The following TBC1D9B variants were observed in gnomAD, a reference collection of about 807,000 sequenced individuals.
TBC1D9B encodes the protein TBC1 domain family, member 9B (with GRAM domain).
In TBC1D9B, 87 loss-of-function variants were observed where a neutral mutation model predicts 121.1. That is an observed-to-expected ratio of 0.72 (90% CI 0.60 to 0.86). TBC1D9B has a LOEUF of 0.86. Among genes scored for constraint, TBC1D9B ranks in the 40% least tolerant of loss-of-function variants. TBC1D9B has a pLI of 0.00. For synonymous variants in TBC1D9B, 668 were observed against 670.1 expected (o/e 1.00, Z 0.05); for missense variants, 1,540 against 1,628.6 (o/e 0.95, Z 0.94).
At chr5:179,869,099 G>A (rs1011779055) in intron 17 of TBC1D9B, 13 of 163,136 alleles carry the variant, frequency 8.0e-5, no homozygotes, top group Non-Finnish European at 8.0e-5. Flanking sequence ...AAACATCCCC[G>A]GGGTCGGTTC....
At chr5:179,888,952 G>C (rs1760775700) in intron 6 of TBC1D9B, among the ~76,000 whole-genome samples, 2 of 152,180 alleles carry the variant, frequency 1.3e-5, no homozygotes, top group Non-Finnish European at 2.9e-5. Context: ...CCCTGCAGAG[G>C]GGAGTAGGAC....
At chr5:179,880,374 G>C (rs562303529) in intron 7 of TBC1D9B, among the ~76,000 whole-genome samples, 7 of 152,236 alleles carry the variant, frequency 4.6e-5, no homozygotes, top group Non-Finnish European at 1.0e-4. Context: ...AAAGTCCAGT[G>C]GGGGAGAGCC....
chr5:179,872,294 G>A, intron 14 of TBC1D9B: 1 of 157,430 alleles, frequency 6.4e-6, no homozygotes, highest in Non-Finnish European at 1.4e-5. Context: ...TGTGGAAGGA[G>A]GCCGAGAACC....
chr5:179,904,642 C>G lies in TBC1D9B; in HGVS notation c.229+60G>C, dbSNP rs1054283900. ...ACGTGGGCTACACACCCCTTCCTCT[C>G]GGCAACGGCCCTTCCAGGGCAGGCC... is the stretch of plus-strand genomic sequence containing the variant. On this transcript the variant is annotated intron_variant, in intron 2 of 20. Transcript: ENST00000355235. The surrounding 1 kb of genome is among the most constrained non-coding windows in gnomAD (Gnocchi z 4.2). The G allele has an allele frequency of 1.4e-6, 2 of 1,455,020 alleles. No homozygotes were observed. Among genetic ancestry groups the G allele is most frequent in the East Asian group, 5.0e-5 (2 of 40,068 alleles). 90.1% of individuals were successfully genotyped at this position (1,455,020 alleles called of 1,614,324 possible).
chr5:179,880,561 C>T (rs1018556136), intron 7 of TBC1D9B, among the ~76,000 whole-genome samples: 1 of 152,198 alleles, frequency 6.6e-6, no homozygotes, highest in Non-Finnish European at 1.5e-5. Context: ...GGGTGCTGGG[C>T]GCCCTCCTAA....
chr5:179,889,623 C>A (rs1012655383), intron 6 of TBC1D9B, among the ~76,000 whole-genome samples: 1 of 151,976 alleles, frequency 6.6e-6, no homozygotes, highest in Admixed American at 6.6e-5. Context: ...GCCTGTAATC[C>A]CAGCACTTTG....
rs1402172065 is a variant in TBC1D9B at position 179,888,264 on chromosome 5, G to C, written c.1093C>G (p.Leu365Val). 6.2e-7 allele frequency: 1 copy of C among 1,611,484 alleles called. No individual in the cohort carries two copies. Among genetic ancestry groups the C allele is most frequent in the Non-Finnish European group, 8.5e-7 (1 of 1,179,288 alleles). Residue 365 changes from leucine to valine, a missense_variant, in exon 7 of 21, where the codon CTG (leucine) becomes GTG (valine). Coordinates refer to ENST00000355235, the MANE Select transcript of TBC1D9B (RefSeq NM_015043.4). ...ATTTTGCTTTTGGTGCTGATGGACAGGGGGCTGGGCAGCACGCTGGAGCTG... is the reference window on the plus strand; with the variant it reads ...ATTTTGCTTTTGGTGCTGATGGACACGGGGCTGGGCAGCACGCTGGAGCTG... The part of the protein sequence containing the change: ...ADSSSVLPSP[L>V]SISTKSKMTF...
rs1760853795 is a variant in TBC1D9B, at chr5:179,891,316, C to T, written c.1044+63G>A. 1.9e-6 allele frequency: 3 copies of T among 1,589,480 alleles called. No homozygotes were observed. The highest frequency in any genetic ancestry group is 2.6e-6 in the Non-Finnish European group (3 of 1,159,778). ...ACAGGGCAGAGCAGGACAGGCTGGTCCCTGAGCCCACTGACACCTCGGGGC... is the reference window on the plus strand; with the variant it reads ...ACAGGGCAGAGCAGGACAGGCTGGTTCCTGAGCCCACTGACACCTCGGGGC... On this transcript the variant is annotated intron_variant, in intron 6 of 20. Transcript: ENST00000355235. This position sits in a 1 kb window ranked among gnomAD's most constrained non-coding sequence, Gnocchi z 4.3.
At chr5:179,900,366 C>T (rs999777265) in intron 2 of TBC1D9B, among the ~76,000 whole-genome samples, 4 of 152,160 alleles carry the variant, frequency 2.6e-5, no homozygotes, top group South Asian at 4.1e-4. Context: ...ACCCCCAGCA[C>T]CTGTTTCTGG....
chr5:179,876,701 C>T (rs951163457), intron 10 of TBC1D9B, among the ~76,000 whole-genome samples: 5 of 152,152 alleles, frequency 3.3e-5, no homozygotes, highest in Non-Finnish European at 5.9e-5. Context: ...GTGGAGAAAT[C>T]GGAACCCTTG....
At chr5:179,889,411 G>C (rs1168745619) in intron 6 of TBC1D9B, among the ~76,000 whole-genome samples, 2 of 148,554 alleles carry the variant, frequency 1.3e-5, no homozygotes, top group African/African-American at 5.3e-5. Flanking sequence ...GAGGCGCACA[G>C]AAGGCCTCAC....
rs190324553 is a variant in TBC1D9B at position 179,863,728 on chromosome 5, G to C, written c.3422C>G (p.Ser1141Trp). The change falls in exon 21 of 21, where the codon TCG becomes TGG. Residue 1141 changes from serine to tryptophan, a missense_variant. By Grantham distance (177) the Ser-to-Trp change is radical. Coordinates refer to ENST00000355235, the MANE Select transcript of TBC1D9B (RefSeq NM_015043.4). The surrounding 1 kb of genome is among the most constrained non-coding windows in gnomAD (Gnocchi z 4.5). ...TKDDMSMSSY[S>W]VVSTGSLQCE... Reference sequence around the variant, plus strand: ...TTGCAGGGAGCCCGTGCTGACCACCGAGTAGGAGGACATGGACATGTCGTC... The same window carrying C: ...TTGCAGGGAGCCCGTGCTGACCACCCAGTAGGAGGACATGGACATGTCGTC... 2 of 1,613,666 alleles carry C rather than the reference G, an allele frequency of 1.2e-6. No homozygotes were observed. Among genetic ancestry groups the C allele is most frequent in the East Asian group, 4.5e-5 (2 of 44,876 alleles).
rs1470866386 is a variant in TBC1D9B at position 179,874,166 on chromosome 5, G to A, written c.2186+736C>T. ...TCAGGGCAGGGCAGAGTGTAGCCAGGAGGGGCCGGGGCTTGAAGGCCAGGC... is the reference window on the plus strand; with the variant it reads ...TCAGGGCAGGGCAGAGTGTAGCCAGAAGGGGCCGGGGCTTGAAGGCCAGGC... On this transcript the variant is annotated intron_variant, in intron 12 of 20. Transcript: ENST00000355235. The surrounding 1 kb of genome is among the most constrained non-coding windows in gnomAD (Gnocchi z 4.3). 3.3e-5 allele frequency among the ~76,000 whole-genome samples: 5 copies of A among 152,206 alleles called. No homozygotes were observed. Among genetic ancestry groups the A allele is most frequent in the South Asian group, 2.1e-4 (1 of 4,826 alleles).
intron 17 of TBC1D9B, 143 bp from the exon 18 acceptor site, chr5:179,867,992 G>A (rs1474568845): frequency 1.1e-5 from 7 of 610,484 alleles, no homozygotes; most frequent in South Asian, 9.4e-5. Context: ...GACAGTGCCC[G>A]GTAATAGTTT....
intron 3 of TBC1D9B, among the ~76,000 whole-genome samples, chr5:179,896,124 C>T (rs1761010140): frequency 6.6e-6 from 1 of 152,192 alleles, no homozygotes; most frequent in Non-Finnish European, 1.5e-5. Flanking sequence ...AAGCTGTTTT[C>T]GTCTGTCCTG....
chr5:179,865,151 C>T lies in TBC1D9B; in HGVS notation c.3021+103G>A. 8.9e-7 allele frequency: 1 copy of T among 1,126,442 alleles called. No individual in the cohort carries two copies. Among genetic ancestry groups the T allele is most frequent in the Non-Finnish European group, 1.3e-6 (1 of 751,226 alleles). 69.8% of individuals were successfully genotyped at this position (1,126,442 alleles called of 1,614,324 possible). On this transcript the variant is annotated intron_variant, in intron 20 of 20. Coordinates refer to ENST00000355235, the MANE Select transcript of TBC1D9B (RefSeq NM_015043.4). The surrounding 1 kb of genome is among the most constrained non-coding windows in gnomAD (Gnocchi z 5.1). ...GGCTCTAGAGGCAGGGAGGAGCCTT[C>T]CCACCCACCAGGAGATGCTGCAGTG...
At chr5:179,900,031 A>G (rs1761123723) in intron 2 of TBC1D9B, among the ~76,000 whole-genome samples, 1 of 152,080 alleles carries the variant, frequency 6.6e-6, no homozygotes, top group African/African-American at 2.4e-5. Flanking sequence ...GGAGTTCGAG[A>G]TCAGCCCGGG....
In TBC1D9B at chr5:179,874,976, C is replaced by T. The variant is rs1180211584; in HGVS notation, c.2112G>A (p.Leu704=). ...GCTCCATGTTGGCGTCCAGGACGGC[C>T]AGGGCCACCTGCAGGATCACCTTGA... is the stretch of plus-strand genomic sequence containing the variant. ...EGIKVILQVA[L]AVLDANMEQL... Residue 704 remains leucine (L), a synonymous_variant, in exon 12 of 21, where the codon CTG becomes CTA. Coordinates refer to ENST00000355235, the MANE Select transcript of TBC1D9B (RefSeq NM_015043.4). This position sits in a 1 kb window ranked among gnomAD's most constrained non-coding sequence, Gnocchi z 4.3. 6.2e-7 allele frequency: 1 copy of T among 1,613,728 alleles called. No homozygotes were observed. The highest frequency in any genetic ancestry group is 1.3e-5 in the African/African-American group (1 of 74,948).
Position 179,871,143 on chromosome 5 carries a change from T to C in TBC1D9B, c.2484+319A>G, listed in dbSNP as rs370883797. Reference sequence around the variant, plus strand: ...CTGACGGCACATTTCAGCACCTGGATCCAGCCATGCCTGAAGCTGTGCATT... The same window carrying C: ...CTGACGGCACATTTCAGCACCTGGACCCAGCCATGCCTGAAGCTGTGCATT... On this transcript the variant is annotated intron_variant, in intron 15 of 20. Coordinates refer to ENST00000355235, the MANE Select transcript of TBC1D9B (RefSeq NM_015043.4). Among the ~76,000 whole-genome samples, 6 of 152,158 alleles carry C rather than the reference T, an allele frequency of 3.9e-5. No homozygotes were observed. The East Asian group carries it at 5.8e-4, about 15-fold the overall frequency.
Sources: gnomAD v4.1 joint callset for allele counts (sites outside exome capture counted in the v4.1 genomes callset) on GRCh38, gnomAD v4.1.1 for gene constraint, Gnocchi (gnomAD v3.1) non-coding constraint, MANE v1.5 for transcripts, NCBI Gene and HGNC (gene_info 2026-07-23, HGNC 2026-07-21) for gene names.